KDM4C: variants seen among roughly 807,000 people sequenced by gnomAD.
KDM4C encodes lysine-specific demethylase 4C.
Under a neutral mutation model 129.3 loss-of-function variants are expected in KDM4C, and 81 were observed. The ratio of observed to expected loss-of-function variants is 0.63; its 90% confidence interval spans 0.52 to 0.75. The LOEUF (loss-of-function observed/expected upper bound fraction) is 0.75. KDM4C is among the 30% of genes least tolerant of loss of function. The pLI is 0.00. For synonymous variants in KDM4C, 573 were observed against 456.1 expected, an observed-to-expected ratio of 1.26 and a Z score of -3.26; for missense variants, 1,457 against 1,304.0, an observed-to-expected ratio of 1.12 and a Z score of -1.81.
At chr9:6,958,783 C>G (rs1829546238) in intron 8 of KDM4C, among the ~76,000 whole-genome samples, 1 of 151,268 alleles carries the variant, frequency 6.6e-6, no homozygotes, top group African/African-American at 2.4e-5. Flanking sequence ...CTCCTTCCAC[C>G]TCCGCCTCCC....
intron 1 of KDM4C, among the ~76,000 whole-genome samples, chr9:6,762,140 G>GC (rs1376446306): frequency 6.6e-6 from 1 of 151,926 alleles, no homozygotes; most frequent in East Asian, 1.9e-4. Context: ...GGGTACATGT[G>GC]CGCAACGTGC....
chr9:6,824,104 A>G (rs1330741727), intron 4 of KDM4C, among the ~76,000 whole-genome samples: 1 of 152,236 alleles, frequency 6.6e-6, no homozygotes, highest in East Asian at 1.9e-4. Context: ...CATCATAGAG[A>G]GTCTTTGATT....
chr9:6,946,065 C>G (rs1826907666), intron 8 of KDM4C, among the ~76,000 whole-genome samples: 1 of 152,074 alleles, frequency 6.6e-6, no homozygotes, highest in Non-Finnish European at 1.5e-5. Context: ...TATGTCCAGT[C>G]ACTTCATTTG....
intron 5 of KDM4C, among the ~76,000 whole-genome samples, chr9:6,856,541 T>TGC (rs1554721068): frequency 0.017 from 1,692 of 97,380 alleles, 41 homozygotes; most frequent in African/African-American, 0.056. Flanking sequence ...TCTGTGTGCG[T>TGC]GTGTGTGTGT....
intron 4 of KDM4C, chr9:6,835,337 A>C (rs1835687641): frequency 3.0e-6 from 3 of 984,396 alleles, no homozygotes; most frequent in African/African-American, 3.2e-5. Context: ...CTTTACGCCA[A>C]CACATTGCTG....
At chr9:7,026,958 C>T (rs10975991) in intron 15 of KDM4C, among the ~76,000 whole-genome samples, 63,921 of 151,630 alleles carry the variant, frequency 0.42, 13,679 homozygotes, top group South Asian at 0.51. Flanking sequence ...TCAATCTCTT[C>T]GTTAAGTTTA....
chr9:6,789,347 A>G (rs1826096771), intron 1 of KDM4C, among the ~76,000 whole-genome samples: 1 of 150,602 alleles, frequency 6.6e-6, no homozygotes, highest in Non-Finnish European at 1.5e-5. Context: ...CAGCCTCCCG[A>G]ATAGCTTGGC....
chr9:7,165,333 A>G lies in KDM4C; in HGVS notation c.2877A>G (p.Gly959=), dbSNP rs1167809666. Residue 959 remains glycine, a synonymous_variant, in exon 20 of 22, where the codon GGA becomes GGG. Coordinates refer to ENST00000381309, the MANE Select transcript of KDM4C (RefSeq NM_015061.6). ...DGKLYGAKYF[G]SNIAHMYQVE... Reference sequence around the variant, plus strand: ...AACTCTATGGAGCAAAATATTTTGGATCAAATATTGCCCACATGTACCAGG... The same window carrying G: ...AACTCTATGGAGCAAAATATTTTGGGTCAAATATTGCCCACATGTACCAGG... The G allele has an allele frequency of 6.2e-7, 1 of 1,613,954 alleles. No individual in the cohort carries two copies. The highest frequency in any genetic ancestry group is 2.2e-5 in the East Asian group (1 of 44,894).
At chr9:6,768,846 C>G (rs916116577) in intron 1 of KDM4C, among the ~76,000 whole-genome samples, 1 of 151,850 alleles carries the variant, frequency 6.6e-6, no homozygotes, top group Non-Finnish European at 1.5e-5. Flanking sequence ...AATCTCTGCT[C>G]ACTGCAACCT....
intron 20 of KDM4C, 133 bp from the exon 21 acceptor site, chr9:7,169,665 C>A: frequency 1.5e-6 from 1 of 683,498 alleles, no homozygotes; most frequent in Non-Finnish European, 2.4e-6. Context: ...CTTCTTACTT[C>A]CTTGGTTGTT....
chr9:6,866,218 C>G (rs1290342686), intron 5 of KDM4C, among the ~76,000 whole-genome samples: 2 of 151,862 alleles, frequency 1.3e-5, no homozygotes, highest in Non-Finnish European at 2.9e-5. Flanking sequence ...AATATGTCTA[C>G]TTAGAGATTC....
chr9:6,890,744 C>T (rs965009329), intron 7 of KDM4C, among the ~76,000 whole-genome samples: 2 of 152,028 alleles, frequency 1.3e-5, no homozygotes, highest in African/African-American at 4.8e-5. Flanking sequence ...GGCAGCAGTC[C>T]TCCCTCTCCT....
At chr9:6,971,056 G>A (rs1399475928) in intron 8 of KDM4C, among the ~76,000 whole-genome samples, 1 of 152,074 alleles carries the variant, frequency 6.6e-6, no homozygotes, top group Non-Finnish European at 1.5e-5. Context: ...TTTTTAAAAA[G>A]AAAAGATTTA....
At chr9:7,169,689 G>T (rs1844762145) in intron 20 of KDM4C, 109 bp from the exon 21 acceptor site, 1 of 847,002 alleles carries the variant, frequency 1.2e-6, no homozygotes, top group Non-Finnish European at 1.8e-6. Flanking sequence ...TGGTTCCCTT[G>T]TTTGTTCTGT....
At chr9:6,918,009 C>A (rs115968497) in intron 8 of KDM4C, among the ~76,000 whole-genome samples, 1 of 152,222 alleles carries the variant, frequency 6.6e-6, no homozygotes. Flanking sequence ...AATATCTTCT[C>A]TTTTTAAAAA....
chr9:6,862,176 G>C (rs758117606), intron 5 of KDM4C, among the ~76,000 whole-genome samples: 15 of 152,116 alleles, frequency 9.9e-5, no homozygotes, highest in Non-Finnish European at 1.6e-4. Context: ...CTTTAAGTGT[G>C]GTTAAAAAAC....
At chr9:6,934,683 C>G (rs113371493) in intron 8 of KDM4C, among the ~76,000 whole-genome samples, 2,374 of 151,832 alleles carry the variant, frequency 0.016, 64 homozygotes, top group African/African-American at 0.054. Flanking sequence ...AGGATGGTCT[C>G]AATCTCTTGA....
chr9:6,722,946 G>A (rs1817004214), intron 1 of KDM4C, among the ~76,000 whole-genome samples: 1 of 152,066 alleles, frequency 6.6e-6, no homozygotes, highest in Non-Finnish European at 1.5e-5. Flanking sequence ...TCGCACGACT[G>A]CACTCTAGCC....
At chr9:7,064,415 A>C (rs1277036928) in intron 17 of KDM4C, among the ~76,000 whole-genome samples, 2 of 152,228 alleles carry the variant, frequency 1.3e-5, no homozygotes, top group African/African-American at 4.8e-5. Context: ...ATGGTGGCTC[A>C]CCATGTTGGC....
Sources: gnomAD v4.1 joint callset for allele counts (sites outside exome capture counted in the v4.1 genomes callset) on GRCh38, gnomAD v4.1.1 for gene constraint, MANE v1.5 for transcripts, NCBI Gene and HGNC (gene_info 2026-07-23, HGNC 2026-07-21) for gene names.